Variants in OR51B5 observed in about 807,000 individuals in gnomAD.
The protein encoded by OR51B5 is olfactory receptor 51B5.
For synonymous variants in OR51B5, 186 were observed against 144.8 expected, an observed-to-expected ratio of 1.28 and a Z score of -2.04; for missense variants, 456 against 374.6, an observed-to-expected ratio of 1.22 and a Z score of -1.79.
intron 1 of OR51B5, among the ~76,000 whole-genome samples, chr11:5,462,556 G>A (rs553861590): frequency 6.6e-6 from 1 of 152,310 alleles, no homozygotes. Flanking sequence ...TCAGTTGGAT[G>A]AGAAGTTCTC....
intron 1 of OR51B5, among the ~76,000 whole-genome samples, chr11:5,413,097 G>A (rs1037695455): frequency 6.6e-6 from 1 of 152,150 alleles, no homozygotes; most frequent in African/African-American, 2.4e-5. Context: ...ACTTCCAGAG[G>A]AACGATCAGA....
intron 1 of OR51B5, among the ~76,000 whole-genome samples, chr11:5,374,845 A>G (rs566877837): frequency 1.5e-4 from 23 of 152,250 alleles, no homozygotes; most frequent in Admixed American, 9.8e-4. Context: ...AAAAGATCAA[A>G]TCTAGGTCTG....
intron 1 of OR51B5, among the ~76,000 whole-genome samples, chr11:5,460,963 G>A (rs1851040831): frequency 6.6e-6 from 1 of 152,190 alleles, no homozygotes; most frequent in Admixed American, 6.5e-5. Flanking sequence ...AGGGGCCAAG[G>A]TGCTCCCAGC....
chr11:5,397,260 A>G (rs975143310), intron 1 of OR51B5, among the ~76,000 whole-genome samples: 1 of 152,252 alleles, frequency 6.6e-6, no homozygotes, highest in Admixed American at 6.5e-5. Flanking sequence ...CATCAGAGTG[A>G]ACAGGCAACC....
chr11:5,480,122 T>G (rs932881717), intron 1 of OR51B5, among the ~76,000 whole-genome samples: 97 of 152,214 alleles, frequency 6.4e-4, no homozygotes, highest in Non-Finnish European at 9.4e-4. Context: ...GCTCTCCTCA[T>G]CAAATGTAAA....
chr11:5,444,496 G>A (rs1392139017), intron 1 of OR51B5, among the ~76,000 whole-genome samples: 2 of 152,170 alleles, frequency 1.3e-5, no homozygotes. Flanking sequence ...CTCACATTTA[G>A]AAGGGGAGAT....
At chr11:5,504,131 C>G (rs1846336829) in intron 1 of OR51B5, among the ~76,000 whole-genome samples, 1 of 151,578 alleles carries the variant, frequency 6.6e-6, no homozygotes. Context: ...AGTAATGAAG[C>G]CCTAAAACAT....
At chr11:5,425,444 C>T (rs1850433209) in intron 1 of OR51B5, among the ~76,000 whole-genome samples, 1 of 152,148 alleles carries the variant, frequency 6.6e-6, no homozygotes, top group Admixed American at 6.5e-5. Context: ...ATCAAGTAGT[C>T]TGCTTCATTA....
intron 1 of OR51B5, among the ~76,000 whole-genome samples, chr11:5,478,074 A>G (rs1387446828): frequency 6.6e-6 from 1 of 151,652 alleles, no homozygotes; most frequent in Non-Finnish European, 1.5e-5. Context: ...AGACAAACAA[A>G]AAGACAGCAG....
intron 1 of OR51B5, among the ~76,000 whole-genome samples, chr11:5,458,863 T>C (rs1118717): frequency 0.65 from 98,333 of 152,082 alleles, 32,085 homozygotes; most frequent in Non-Finnish European, 0.67. Flanking sequence ...GCAAAGACTA[T>C]GGGATTTTCT....
intron 1 of OR51B5, chr11:5,431,339 A>G: frequency 3.4e-6 from 1 of 294,134 alleles, no homozygotes; most frequent in South Asian, 3.4e-5. Flanking sequence ...TGGGCATCAA[A>G]CCAAAGAATG....
chr11:5,342,986 T>C lies in OR51B5; in HGVS notation c.539A>G (p.Gln180Arg), dbSNP rs761823219. The C allele has an allele frequency of 3.1e-6, 5 of 1,613,336 alleles. No homozygotes were observed. The highest frequency in any genetic ancestry group is 1.3e-5 in the African/African-American group (1 of 74,832). The change falls in exon 1 of 1, where the codon CAG becomes CGG. Residue 180 changes from glutamine (Q) to arginine (R), a missense_variant. By Grantham distance (43) the Gln-to-Arg change is conservative. Transcript: ENST00000300773. ...AGCACAGGCGAGTTTAATGACATCC[T>C]GGTGAAGGCAGAATGCATGTGAAAG...
chr11:5,376,246 G>C (rs541010353), intron 1 of OR51B5, among the ~76,000 whole-genome samples: 33 of 152,132 alleles, frequency 2.2e-4, no homozygotes, highest in Non-Finnish European at 3.8e-4. Context: ...CAGAAATAAA[G>C]ATGTTCTTTG....
intron 1 of OR51B5, among the ~76,000 whole-genome samples, chr11:5,404,806 C>A (rs752409346): frequency 6.6e-6 from 1 of 152,196 alleles, no homozygotes; most frequent in South Asian, 2.1e-4. Context: ...TGAACACCTG[C>A]AGATGCACCA....
At chr11:5,348,529 T>A (rs1849028381) in intron 1 of OR51B5, among the ~76,000 whole-genome samples, 1 of 152,112 alleles carries the variant, frequency 6.6e-6, no homozygotes, top group African/African-American at 2.4e-5. Context: ...ATAAACCAAT[T>A]CAAAATTAAG....
intron 1 of OR51B5, among the ~76,000 whole-genome samples, chr11:5,464,393 T>C (rs1049826992): frequency 6.6e-6 from 1 of 151,970 alleles, no homozygotes; most frequent in Non-Finnish European, 1.5e-5. Flanking sequence ...ACCCACTAAC[T>C]CGTCATCTAG....
intron 1 of OR51B5, among the ~76,000 whole-genome samples, chr11:5,376,617 A>T (rs1033859595): frequency 1.3e-5 from 2 of 152,148 alleles, no homozygotes; most frequent in African/African-American, 4.8e-5. Flanking sequence ...TAAAAAAATG[A>T]TAAAGGGGAT....
intron 1 of OR51B5, among the ~76,000 whole-genome samples, chr11:5,363,949 G>A (rs2133700574): frequency 6.6e-6 from 1 of 152,284 alleles, no homozygotes; most frequent in African/African-American, 2.4e-5. Context: ...CTGTAAAGGA[G>A]GAGAAGCTTG....
At chr11:5,454,379 G>C in intron 1 of OR51B5, 1 of 1,612,236 alleles carries the variant, frequency 6.2e-7, no homozygotes, top group Non-Finnish European at 8.5e-7. Context: ...CCAAGACAAA[G>C]GAAATCCGCC....
Sources: gnomAD v4.1 joint callset for allele counts (sites outside exome capture counted in the v4.1 genomes callset) on GRCh38, gnomAD v4.1.1 for gene constraint, MANE v1.5 for transcripts, NCBI Gene and HGNC (gene_info 2026-07-23, HGNC 2026-07-21) for gene names.